PRKCZ: variants seen among roughly 807,000 people sequenced by gnomAD.
The protein encoded by PRKCZ is protein kinase C zeta type.
PRKCZ carries 33 observed loss-of-function variants against 79.5 expected under a neutral mutation model. That is an observed-to-expected ratio of 0.41 (90% CI 0.31 to 0.55). The LOEUF is 0.55. Among genes scored for constraint, PRKCZ ranks in the 20% least tolerant of loss-of-function variants. The pLI, the probability that PRKCZ is intolerant of heterozygous loss-of-function variation, is 0.19. For synonymous variants in PRKCZ, 342 were observed against 320.9 expected, an observed-to-expected ratio of 1.07 and a Z score of -0.70; for missense variants, 578 against 813.5, an observed-to-expected ratio of 0.71 and a Z score of 3.52.
intron 4 of PRKCZ, among the ~76,000 whole-genome samples, chr1:2,072,852 C>T (rs1288627934): frequency 6.6e-6 from 1 of 152,118 alleles, no homozygotes; most frequent in Admixed American, 6.5e-5. Flanking sequence ...CCCCTCTGTC[C>T]CTCTGCACCC....
intron 4 of PRKCZ, among the ~76,000 whole-genome samples, chr1:2,103,036 A>G (rs763038357): frequency 4.6e-5 from 7 of 151,960 alleles, no homozygotes; most frequent in Non-Finnish European, 7.4e-5. Context: ...CGCTTGGCTA[A>G]TTTTTTATTT....
chr1:2,069,959 C>T (rs577346002), intron 4 of PRKCZ, among the ~76,000 whole-genome samples: 1 of 152,308 alleles, frequency 6.6e-6, no homozygotes, highest in Admixed American at 6.5e-5. Context: ...AGGGTGCCCG[C>T]CCTGTGGAGG....
chr1:2,063,848 T>A (rs1660903975), intron 4 of PRKCZ, among the ~76,000 whole-genome samples: 1 of 149,164 alleles, frequency 6.7e-6, no homozygotes, highest in Non-Finnish European at 1.5e-5. Flanking sequence ...GCCATTTCTT[T>A]TTTTTTTTTT....
intron 1 of PRKCZ, among the ~76,000 whole-genome samples, chr1:2,052,063 C>T (rs1318363991): frequency 6.6e-6 from 1 of 152,186 alleles, no homozygotes; most frequent in African/African-American, 2.4e-5. Flanking sequence ...GGCTATTGGA[C>T]TTGTCCAGGG....
In PRKCZ at chr1:2,164,016, C is replaced by T. The variant is rs192034007; in HGVS notation, c.975-5502C>T. The stretch of plus-strand genomic sequence containing the variant: ...GGCCTCCTGGAATGAATGGTGTCAT[C>T]GTAATGTAGCTGCTGGTATTGAACC... On this transcript the variant is annotated intron_variant, in intron 10 of 17. Transcript: ENST00000378567. 7.4e-4 allele frequency among the ~76,000 whole-genome samples: 112 copies of T among 152,290 alleles called. 1 individual carries two copies. The South Asian group carries it at 0.02, about 27-fold the overall frequency.
At position 2,156,098 on chromosome 1, in the gene PRKCZ, A is replaced by G. The variant is rs761689460; in HGVS notation, c.974+6A>G. 6.2e-7 allele frequency: 1 copy of G among 1,604,744 alleles called. No individual in the cohort carries two copies. Among genetic ancestry groups the G allele is most frequent in the South Asian group, 1.1e-5 (1 of 90,878 alleles). On this transcript the variant is annotated splice_donor_region_variant and intron_variant, in intron 10 of 17. Transcript: ENST00000378567. The stretch of plus-strand genomic sequence containing the variant: ...TGCTTCCAGACGACAAGTCGGTAAG[A>G]AAAAGAAGGGTATTTCTGATATTCT...
rs1203458367 is a variant in PRKCZ at position 2,156,071 on chromosome 1, C to A, written c.953C>A (p.Ser318Tyr). ...AACCCCTTCCTGGTCGGATTACACT[C>A]CTGCTTCCAGACGACAAGTCGGTAA... ...SSNPFLVGLH[S>Y]CFQTTSRLFL... The change falls in exon 10 of 18, where the codon TCC (serine) becomes TAC (tyrosine). Residue 318 changes from serine to tyrosine, a missense_variant. Physicochemically the swap from Ser to Tyr is moderately radical, Grantham distance 144. Coordinates refer to ENST00000378567, the MANE Select transcript of PRKCZ (RefSeq NM_002744.6). 6 of 1,613,384 alleles carry A rather than the reference C, an allele frequency of 3.7e-6. No homozygotes were observed. Among genetic ancestry groups the A allele is most frequent in the Non-Finnish European group, 5.1e-6 (6 of 1,179,514 alleles).
rs116712371 is a variant in PRKCZ at position 2,104,539 on chromosome 1, C to T, written c.335-30723C>T. ...GGAGCCCCAGAGGCATCCAGTGGCG[C>T]GAATGGTGGGAAGGGCCCTAAGAGG... On this transcript the variant is annotated intron_variant, in intron 4 of 17. Coordinates refer to ENST00000378567, the MANE Select transcript of PRKCZ (RefSeq NM_002744.6). Among the ~76,000 whole-genome samples, 483 of 152,072 alleles carry T rather than the reference C, an allele frequency of 3.2e-3. 2 individuals are homozygous for T. Among genetic ancestry groups the T allele is most frequent in the African/African-American group, 0.011 (451 of 41,450 alleles).
intron 4 of PRKCZ, among the ~76,000 whole-genome samples, chr1:2,132,577 C>G (rs1675210477): frequency 6.6e-6 from 1 of 152,194 alleles, no homozygotes; most frequent in East Asian, 1.9e-4. Context: ...CGATGGTTCT[C>G]GGGGCTGAGA....
Position 2,071,375 on chromosome 1 carries a change from A to G in PRKCZ, c.334+11784A>G, listed in dbSNP as rs117631420. The G allele has an allele frequency of 2.6e-3, 1,167 of 454,182 alleles. 41 individuals carry two copies. In the East Asian group the frequency reaches 0.068, roughly 27 times the overall value. 28.1% of individuals were successfully genotyped at this position (454,182 alleles called of 1,614,324 possible). On this transcript the variant is annotated intron_variant, in intron 4 of 17. Coordinates refer to ENST00000378567, the MANE Select transcript of PRKCZ (RefSeq NM_002744.6). The stretch of plus-strand genomic sequence containing the variant: ...GCGGCGTCTGAGAGGAGGCGGCCAA[A>G]CCTAGTGGGGCTGCGCGACCGCCTG...
At chr1:2,170,104 T>C (rs1684129082) in intron 11 of PRKCZ, among the ~76,000 whole-genome samples, 1 of 152,158 alleles carries the variant, frequency 6.6e-6, no homozygotes, top group Non-Finnish European at 1.5e-5. Context: ...GGTTCTGCTC[T>C]TCACCCTGTT....
intron 11 of PRKCZ, among the ~76,000 whole-genome samples, chr1:2,171,308 C>T (rs1447178356): frequency 6.9e-6 from 1 of 145,446 alleles, no homozygotes; most frequent in Non-Finnish European, 1.5e-5. Context: ...CGCCATTGCA[C>T]TCCAGCCTGG....
At position 2,101,338 on chromosome 1, in the gene PRKCZ, G is replaced by A. The variant is rs182896934; in HGVS notation, c.335-33924G>A. 1.4e-4 allele frequency among the ~76,000 whole-genome samples: 21 copies of A among 152,194 alleles called. No individual in the cohort carries two copies. The East Asian group carries it at 3.7e-3, about 27-fold the overall frequency. On this transcript the variant is annotated intron_variant, in intron 4 of 17. Transcript: ENST00000378567. ...GTCCTCTCAGTAGGGGGAGGCCAGC[G>A]GGCATCTCCCCTCCTCGCCCCTTCT...
rs553019576 is a variant in PRKCZ at position 2,155,319 on chromosome 1, G to T, written c.877-676G>T. On this transcript the variant is annotated intron_variant, in intron 9 of 17. Coordinates refer to ENST00000378567, the MANE Select transcript of PRKCZ (RefSeq NM_002744.6). ...GGTGATGACAATGGTGGTGATGACA[G>T]TGATGATGGTAGTGGTGATGACAAT... 5.9e-5 allele frequency among the ~76,000 whole-genome samples: 9 copies of T among 151,888 alleles called. No individual in the cohort carries two copies. In the South Asian group the frequency reaches 1.9e-3, roughly 32 times the overall value.
intron 4 of PRKCZ, among the ~76,000 whole-genome samples, chr1:2,071,782 G>A (rs1162706188): frequency 1.3e-5 from 2 of 152,176 alleles, no homozygotes; most frequent in East Asian, 1.9e-4. Context: ...GGAGCTCAGC[G>A]TGGCCATGGT....
In PRKCZ at chr1:2,173,856, C is replaced by A; in HGVS notation, c.1286-41C>A. ...AGCCAGGTTCGTCCTGCTGCCGGCC[C>A]ATGTGGCCCCACTCGGTGATGGCTG... On this transcript the variant is annotated intron_variant, in intron 13 of 17. Transcript: ENST00000378567. This position sits in a 1 kb window ranked among gnomAD's most constrained non-coding sequence, Gnocchi z 5.7. The A allele has an allele frequency of 6.5e-7, 1 of 1,541,526 alleles. No individual in the cohort carries two copies. The highest frequency in any genetic ancestry group is 8.8e-7 in the Non-Finnish European group (1 of 1,139,844).
intron 4 of PRKCZ, among the ~76,000 whole-genome samples, chr1:2,123,520 CGTG>C: frequency 1.6e-4 from 1 of 6,124 alleles, no homozygotes; most frequent in Admixed American, 2.8e-3. Context: ...TGGTTAGGGT[CGTG>C]GCGGTGGTTA....
Position 2,099,440 on chromosome 1 carries a change from A to G in PRKCZ, c.335-35822A>G, listed in dbSNP as rs865986063. ...CAAAGCGGGCTCACTGTGCAGACCAATGATTGACAGTTCCAGGGTGTGATG... is the reference window on the plus strand; with the variant it reads ...CAAAGCGGGCTCACTGTGCAGACCAGTGATTGACAGTTCCAGGGTGTGATG... On this transcript the variant is annotated intron_variant, in intron 4 of 17. Coordinates refer to ENST00000378567, the MANE Select transcript of PRKCZ (RefSeq NM_002744.6). Among the ~76,000 whole-genome samples, 9 of 143,846 alleles carry G rather than the reference A, an allele frequency of 6.3e-5. No individual in the cohort carries two copies. The Middle Eastern group carries it at 0.01, about 166-fold the overall frequency. 94.4% of individuals were successfully genotyped at this position (143,846 alleles called of 152,430 possible).
chr1:2,056,671 A>G (rs575532848), intron 3 of PRKCZ, 98 bp downstream of exon 3: 23 of 1,081,658 alleles, frequency 2.1e-5, no homozygotes, highest in East Asian at 1.4e-4. Flanking sequence ...TTAAAATCCT[A>G]TGATGCCAGA....
Sources: allele counts gnomAD v4.1 joint callset (sites outside exome capture counted in the v4.1 genomes callset), GRCh38; gene constraint gnomAD v4.1.1; non-coding constraint Gnocchi (gnomAD v3.1); transcripts MANE v1.5; gene names NCBI Gene and HGNC (gene_info 2026-07-23, HGNC 2026-07-21).